Variants in FUT8 observed in about 807,000 individuals in gnomAD.
The protein encoded by FUT8 is alpha-(1,6)-fucosyltransferase.
FUT8 carries 29 observed loss-of-function variants against 71.3 expected under a neutral mutation model. The ratio of observed to expected loss-of-function variants is 0.41; its 90% CI spans 0.30 to 0.55. The LOEUF (loss-of-function observed/expected upper bound fraction) is 0.55. Ranked by LOEUF, FUT8 falls within the 20% of genes least tolerant of loss-of-function variation. The pLI, the probability that FUT8 is intolerant of heterozygous loss-of-function variation, is 0.34. For synonymous variants in FUT8, 254 were observed against 239.3 expected (o/e 1.06, Z -0.57); for missense variants, 544 against 702.1 (o/e 0.77, Z 2.55).
At chr14:65,665,151 AT>A in intron 6 of FUT8, among the ~76,000 whole-genome samples, 1 of 152,236 alleles carries the variant, frequency 6.6e-6, no homozygotes, top group African/African-American at 2.4e-5. Flanking sequence ...ATATTTTGTA[AT>A]TGTTGAATTC....
At chr14:65,499,462 A>G (rs1453437985) in intron 2 of FUT8, among the ~76,000 whole-genome samples, 5 of 151,960 alleles carry the variant, frequency 3.3e-5, no homozygotes, top group Non-Finnish European at 5.9e-5. Context: ...TTATTTTGCC[A>G]TAACTAATTA....
At chr14:65,373,938 G>A in the FUT8 span, among the ~76,000 whole-genome samples, 9 of 151,320 alleles carry the variant, frequency 5.9e-5, no homozygotes, top group Admixed American at 6.0e-4. Flanking sequence ...CTGGCAAGGA[G>A]GGTTAAGAGG....
At chr14:65,584,026 C>T (rs376600833) in intron 3 of FUT8, among the ~76,000 whole-genome samples, 9 of 151,768 alleles carry the variant, frequency 5.9e-5, no homozygotes, top group South Asian at 4.2e-4. Flanking sequence ...ACTACAGGCG[C>T]GTGCTACCAC....
the FUT8 span, among the ~76,000 whole-genome samples, chr14:65,383,035 C>T: frequency 2.6e-5 from 4 of 152,054 alleles, no homozygotes; most frequent in Admixed American, 1.3e-4. Flanking sequence ...TACTTAGTTG[C>T]CATATCCTAT....
chr14:65,729,465 C>G (rs1895855883), intron 9 of FUT8, among the ~76,000 whole-genome samples: 1 of 151,944 alleles, frequency 6.6e-6, no homozygotes, highest in Non-Finnish European at 1.5e-5. Context: ...CTAAAATTAT[C>G]CACATTATTT....
chr14:65,664,580 T>C (rs1892119249), intron 6 of FUT8, among the ~76,000 whole-genome samples: 1 of 152,168 alleles, frequency 6.6e-6, no homozygotes, highest in African/African-American at 2.4e-5. Context: ...AAAGACCAGC[T>C]TGCTGTGACA....
chr14:65,591,081 C>G (rs1253724977), intron 3 of FUT8, among the ~76,000 whole-genome samples: 1 of 152,118 alleles, frequency 6.6e-6, no homozygotes, highest in Non-Finnish European at 1.5e-5. Flanking sequence ...ACTTTGTCGA[C>G]ATTTTGGAAA....
At chr14:65,580,253 A>G (rs549014708) in intron 3 of FUT8, among the ~76,000 whole-genome samples, 3 of 151,398 alleles carry the variant, frequency 2.0e-5, no homozygotes, top group Non-Finnish European at 4.4e-5. Context: ...CTCCTAGGCT[A>G]CAAACTTGTA....
chr14:65,427,457 T>C (rs368537264), intron 1 of FUT8, among the ~76,000 whole-genome samples: 1 of 152,222 alleles, frequency 6.6e-6, no homozygotes, highest in Admixed American at 6.5e-5. Flanking sequence ...CTTTTGTCTT[T>C]ATGTGAATAG....
intron 1 of FUT8, among the ~76,000 whole-genome samples, chr14:65,430,771 A>G (rs942451897): frequency 6.6e-5 from 10 of 152,188 alleles, no homozygotes; most frequent in Non-Finnish European, 1.2e-4. Context: ...GTAATTTACA[A>G]TGGAAAAGTA....
At chr14:65,572,018 A>G (rs983616073) in intron 3 of FUT8, among the ~76,000 whole-genome samples, 1 of 152,196 alleles carries the variant, frequency 6.6e-6, no homozygotes, top group Non-Finnish European at 1.5e-5. Flanking sequence ...CTTTGCCCAT[A>G]GTCTTACAAG....
At chr14:65,419,913 G>A (rs929030120) in intron 1 of FUT8, among the ~76,000 whole-genome samples, 4 of 152,112 alleles carry the variant, frequency 2.6e-5, no homozygotes, top group African/African-American at 9.7e-5. Flanking sequence ...CTAAAATTCC[G>A]TTTATTTTTA....
chr14:65,632,922 T>C (rs1310443464), intron 6 of FUT8, among the ~76,000 whole-genome samples: 1 of 151,944 alleles, frequency 6.6e-6, no homozygotes, highest in African/African-American at 2.4e-5. Flanking sequence ...TTCAGTTTCA[T>C]TCTCCTACAT....
chr14:65,621,510 T>C (rs1287869640), intron 5 of FUT8, among the ~76,000 whole-genome samples: 1 of 151,892 alleles, frequency 6.6e-6, no homozygotes. Flanking sequence ...GGCCCGTTTG[T>C]GCTAGGATGC....
chr14:65,483,767 C>A lies in FUT8; in HGVS notation c.-228+28049C>A, dbSNP rs1352424867. ...GTTATTGGCCAAGTGTGGTCAGTAA[C>A]TGTCACCCAGGCTGGAGTGTGGTGG... On this transcript the variant is annotated intron_variant, in intron 2 of 10. Transcript: ENST00000673929. The surrounding 1 kb of genome is among the most constrained non-coding windows in gnomAD (Gnocchi z 4.4). Among the ~76,000 whole-genome samples the A allele has an allele frequency of 6.6e-6, 1 of 151,430 alleles. No individual in the cohort carries two copies. Among genetic ancestry groups the A allele is most frequent in the African/African-American group, 2.4e-5 (1 of 41,156 alleles).
At chr14:65,368,246 GGTTTCACCGT>G in the FUT8 span, among the ~76,000 whole-genome samples, 2 of 147,006 alleles carry the variant, frequency 1.4e-5, no homozygotes, top group African/African-American at 5.0e-5. Context: ...GTAGAGACGG[GGTTTCACCGT>G]GTTAGCCAGG....
chr14:65,477,741 G>A (rs972221891), intron 2 of FUT8, among the ~76,000 whole-genome samples: 2 of 152,114 alleles, frequency 1.3e-5, no homozygotes, highest in African/African-American at 4.8e-5. Flanking sequence ...AAGAGTTGAT[G>A]AGAGAACTTT....
chr14:65,633,004 T>TCCCCCCCCCCCCCCCCC (rs376298224), intron 6 of FUT8, among the ~76,000 whole-genome samples: 4 of 78,074 alleles, frequency 5.1e-5, no homozygotes, highest in African/African-American at 5.3e-5. Context: ...CCCTCTCCCC[T>TCCCCCCCCCCCCCCCCC]CCCCCCCCCC....
intron 2 of FUT8, among the ~76,000 whole-genome samples, chr14:65,481,068 G>A (rs998448942): frequency 2.0e-5 from 3 of 151,988 alleles, no homozygotes; most frequent in Non-Finnish European, 2.9e-5. Flanking sequence ...ATTTCCATCA[G>A]CACTGCACAG....
Sources: allele counts gnomAD v4.1 joint callset (sites outside exome capture counted in the v4.1 genomes callset), GRCh38; gene constraint gnomAD v4.1.1; non-coding constraint Gnocchi (gnomAD v3.1); transcripts MANE v1.5; gene names NCBI Gene and HGNC (gene_info 2026-07-23, HGNC 2026-07-21).